Variants in DET1 observed in about 807,000 individuals in gnomAD.
DET1 encodes the protein DET1 partner of COP1 E3 ubiquitin ligase, also known as DET1 homolog.
A neutral mutation model predicts 43.7 loss-of-function variants in DET1; 22 were observed. The ratio of observed to expected loss-of-function variants is 0.50; its 90% confidence interval spans 0.36 to 0.72. The LOEUF is 0.72. DET1 is among the 30% of genes least tolerant of loss of function. The pLI is 0.00. For synonymous variants in DET1, 315 were observed against 266.2 expected (o/e 1.18, Z -1.79); for missense variants, 713 against 713.3 (o/e 1.00, Z 0.00).
intron 2 of DET1, among the ~76,000 whole-genome samples, chr15:88,528,723 A>C (rs1017276520): frequency 3.9e-5 from 6 of 152,200 alleles, no homozygotes; most frequent in Non-Finnish European, 8.8e-5. Context: ...AAGTTCTCAG[A>C]CCACTAGGAT....
chr15:88,522,618 C>T (rs1473753839), intron 3 of DET1, among the ~76,000 whole-genome samples: 1 of 146,574 alleles, frequency 6.8e-6, no homozygotes, highest in Non-Finnish European at 1.5e-5. Context: ...ACGCCATTCT[C>T]CTGTCTCAGC....
chr15:88,543,773 A>G (rs763351121), intron 1 of DET1, among the ~76,000 whole-genome samples: 1 of 152,198 alleles, frequency 6.6e-6, no homozygotes, highest in Non-Finnish European at 1.5e-5. Flanking sequence ...GCTACTGTGC[A>G]TGTACATGGA....
intron 1 of DET1, among the ~76,000 whole-genome samples, chr15:88,533,096 A>AAATC (rs1321438183): frequency 3.9e-5 from 6 of 152,228 alleles, no homozygotes; most frequent in African/African-American, 1.4e-4. Context: ...CAATAACAAA[A>AAATC]AATCATATAC....
chr15:88,537,667 AC>A (rs781176403), intron 1 of DET1, among the ~76,000 whole-genome samples: 1 of 152,154 alleles, frequency 6.6e-6, no homozygotes, highest in Non-Finnish European at 1.5e-5. Context: ...CAGTACGCAA[AC>A]ACTATATTCT....
At chr15:88,545,443 C>T (rs1049867247) in intron 1 of DET1, among the ~76,000 whole-genome samples, 4 of 152,084 alleles carry the variant, frequency 2.6e-5, no homozygotes, top group East Asian at 1.9e-4. Flanking sequence ...CCAAAAAGTT[C>T]GAGAATATCT....
intron 3 of DET1, among the ~76,000 whole-genome samples, chr15:88,521,541 A>G (rs541673366): frequency 6.6e-6 from 1 of 152,182 alleles, no homozygotes; most frequent in African/African-American, 2.4e-5. Flanking sequence ...TTTCCTACAT[A>G]CCATTCTTTT....
intron 3 of DET1, 106 bp downstream of exon 3, chr15:88,527,493 A>G: frequency 9.5e-7 from 1 of 1,053,342 alleles, no homozygotes; most frequent in South Asian, 2.1e-5. Flanking sequence ...AGAATAACCA[A>G]AGCTATGTGG....
At chr15:88,523,405 T>C (rs1364596414) in intron 3 of DET1, among the ~76,000 whole-genome samples, 1 of 151,830 alleles carries the variant, frequency 6.6e-6, no homozygotes, top group Non-Finnish European at 1.5e-5. Context: ...AAAAAAAAAT[T>C]TCAGCTCCCT....
chr15:88,544,066 G>A (rs753670343), intron 1 of DET1, among the ~76,000 whole-genome samples: 24 of 152,138 alleles, frequency 1.6e-4, no homozygotes, highest in Non-Finnish European at 2.2e-4. Context: ...CTGCCAATAC[G>A]GTAGTTAAGT....
At chr15:88,519,175 G>C (rs1459670647) in intron 3 of DET1, among the ~76,000 whole-genome samples, 2 of 152,120 alleles carry the variant, frequency 1.3e-5, no homozygotes, top group Non-Finnish European at 2.9e-5. Context: ...TCTACAAGTT[G>C]AAACAGTTCC....
At chr15:88,527,486 A>G in intron 3 of DET1, 113 bp downstream of exon 3, 1 of 979,506 alleles carries the variant, frequency 1.0e-6, no homozygotes, top group Non-Finnish European at 1.4e-6. Flanking sequence ...AATAAGCAGA[A>G]TAACCAAAGC....
At chr15:88,513,355 C>A (rs556428905) in intron 4 of DET1, among the ~76,000 whole-genome samples, 1 of 152,288 alleles carries the variant, frequency 6.6e-6, no homozygotes, top group South Asian at 2.1e-4. Context: ...TACTATGTTG[C>A]ACTGAGTCAC....
intron 8 of DET1, chr15:88,502,872 T>C (rs188407188): frequency 1.3e-5 from 2 of 152,366 alleles, no homozygotes; most frequent in East Asian, 3.9e-4. Flanking sequence ...AGGTTAGAGC[T>C]GTGATTTACA....
chr15:88,536,204 A>G, intron 1 of DET1: 1 of 667,000 alleles, frequency 1.5e-6, no homozygotes, highest in Non-Finnish European at 2.8e-6. Flanking sequence ...CTAAAATAGT[A>G]CCTCCTCAGA....
intron 3 of DET1, among the ~76,000 whole-genome samples, chr15:88,518,627 GTCTA>G (rs1057225925): frequency 1.2e-4 from 18 of 152,196 alleles, no homozygotes; most frequent in African/African-American, 4.3e-4. Flanking sequence ...AATGTCAACT[GTCTA>G]TCAGTATATA....
intron 1 of DET1, among the ~76,000 whole-genome samples, chr15:88,545,307 G>C (rs960058920): frequency 9.9e-5 from 15 of 152,120 alleles, no homozygotes; most frequent in Non-Finnish European, 1.8e-4. Flanking sequence ...TAAAAATCCT[G>C]GTCTCATGGA....
intron 7 of DET1, among the ~76,000 whole-genome samples, chr15:88,506,061 G>A (rs931068036): frequency 6.6e-6 from 1 of 152,296 alleles, no homozygotes; most frequent in African/African-American, 2.4e-5. Flanking sequence ...AGCAGACTGT[G>A]ACACTAAAGA....
chr15:88,535,338 G>C (rs776734273), intron 1 of DET1, among the ~76,000 whole-genome samples: 14 of 150,976 alleles, frequency 9.3e-5, no homozygotes, highest in Admixed American at 4.0e-4. Context: ...AACAAAAGAG[G>C]GAAAAAATAA....
intron 1 of DET1, among the ~76,000 whole-genome samples, chr15:88,541,303 C>T (rs2057099773): frequency 6.6e-6 from 1 of 151,852 alleles, no homozygotes; most frequent in South Asian, 2.1e-4. Flanking sequence ...GTCTTGTGAC[C>T]CTGACACATC....
Sources: allele counts gnomAD v4.1 joint callset (sites outside exome capture counted in the v4.1 genomes callset), GRCh38; gene constraint gnomAD v4.1.1; transcripts MANE v1.5; gene names NCBI Gene and HGNC (gene_info 2026-07-23, HGNC 2026-07-21).